ADI1: variants seen among roughly 807,000 people sequenced by gnomAD.
ADI1 encodes the protein acireductone dioxygenase.
A neutral mutation model predicts 18.7 loss-of-function variants in ADI1; 21 were observed. The ratio of observed to expected loss-of-function variants is 1.13; its 90% confidence interval spans 0.80 to 1.62. The LOEUF (loss-of-function observed/expected upper bound fraction) is 1.62. Among genes scored for constraint, ADI1 ranks in the 40% most tolerant of loss-of-function variants. ADI1 has a pLI of 0.00. For missense variants in ADI1, 245 were observed against 254.9 expected (o/e 0.96, Z 0.26); for synonymous variants, 90 against 100.1 (o/e 0.90, Z 0.60).
chr2:3,509,755 G>T (rs550011914), intron 2 of ADI1, among the ~76,000 whole-genome samples: 1 of 152,042 alleles, frequency 6.6e-6, no homozygotes, highest in African/African-American at 2.4e-5. Flanking sequence ...AACACTCTGC[G>T]AGGCCGAGGA....
intron 2 of ADI1, among the ~76,000 whole-genome samples, chr2:3,502,761 TA>T (rs1015980567): frequency 2.9e-4 from 44 of 152,090 alleles, no homozygotes; most frequent in African/African-American, 9.9e-4. Context: ...CAAACGGAAA[TA>T]ACTCTTGAAC....
chr2:3,507,270 A>G (rs1046865386), intron 2 of ADI1, among the ~76,000 whole-genome samples: 1 of 152,238 alleles, frequency 6.6e-6, no homozygotes, highest in Non-Finnish European at 1.5e-5. Flanking sequence ...AATATTTGAA[A>G]TACTGTCCAC....
chr2:3,500,208 C>G (rs1666962837), intron 3 of ADI1, among the ~76,000 whole-genome samples: 1 of 152,068 alleles, frequency 6.6e-6, no homozygotes. Flanking sequence ...AGAGGGAGAC[C>G]TTTCACCAGG....
Position 3,501,373 on chromosome 2 carries a change from A to G in ADI1, c.241-380T>C, listed in dbSNP as rs150531918. 2.6e-5 allele frequency among the ~76,000 whole-genome samples: 4 copies of G among 152,088 alleles called. No individual in the cohort carries two copies. In the East Asian group the frequency reaches 7.8e-4, roughly 30 times the overall value. ...GTCACTGGCCCAACCTCACACAACG[A>G]GACTGCCCCAAAGACACCCTGGCCC... On this transcript the variant is annotated intron_variant, in intron 2 of 3. Transcript: ENST00000327435.
chr2:3,503,719 G>C (rs1558426002), intron 2 of ADI1, among the ~76,000 whole-genome samples: 1 of 152,204 alleles, frequency 6.6e-6, no homozygotes, highest in Non-Finnish European at 1.5e-5. Context: ...GCCTGGACAC[G>C]CTGTAGGTCC....
chr2:3,514,871 A>G, intron 1 of ADI1: 1 of 1,546,480 alleles, frequency 6.5e-7, no homozygotes, highest in South Asian at 1.2e-5. Context: ...GGCTGGAGCC[A>G]TGGCAGAGGA....
In ADI1 at chr2:3,513,912, G is replaced by C; in HGVS notation, c.185C>G (p.Ser62Cys). 1 of 1,612,172 alleles carries C rather than the reference G, an allele frequency of 6.2e-7. No homozygotes were observed. Among genetic ancestry groups the C allele is most frequent in the Non-Finnish European group, 8.5e-7 (1 of 1,179,524 alleles). Residue 62 changes from serine (S) to cysteine (C), a missense_variant, in exon 2 of 4, where the codon TCC becomes TGC. By Grantham distance (112) the Ser-to-Cys change is moderately radical. Transcript: ENST00000327435. ...GCATATGGTTATGATGTCCATCCAG[G>C]AGTAGTTCCTCTCTCTTCGGATCTT... ...LEKIRRERNY[S>C]WMDIITICKD...
At chr2:3,514,485 A>G (rs1667358224) in intron 1 of ADI1, among the ~76,000 whole-genome samples, 1 of 152,190 alleles carries the variant, frequency 6.6e-6, no homozygotes, top group African/African-American at 2.4e-5. Flanking sequence ...TTCTACTTCT[A>G]TCTGTTCCCA....
rs564416842 is a variant in ADI1 at position 3,518,910 on chromosome 2, G to A, written c.120+458C>T. ...TGCGCGTGCGCAGCGAGTCCCGGCT[G>A]CGAGGCCCCTGACTCGCCAACTCTG... On this transcript the variant is annotated intron_variant, in intron 1 of 3. Coordinates refer to ENST00000327435, the MANE Select transcript of ADI1 (RefSeq NM_018269.4). Among the ~76,000 whole-genome samples, 27 of 152,316 alleles carry A rather than the reference G, an allele frequency of 1.8e-4. No homozygotes were observed. In the Middle Eastern group the frequency reaches 0.01, roughly 58 times the overall value.
At chr2:3,508,130 C>T (rs566993622) in intron 2 of ADI1, among the ~76,000 whole-genome samples, 223 of 151,896 alleles carry the variant, frequency 1.5e-3, no homozygotes, top group African/African-American at 5.3e-3. Context: ...GTCAGGAGAT[C>T]GAGACCATCC....
chr2:3,513,263 G>A (rs1667328047), intron 2 of ADI1, among the ~76,000 whole-genome samples: 1 of 152,194 alleles, frequency 6.6e-6, no homozygotes. Flanking sequence ...AGGAAGTTAA[G>A]ACTTTGGGGG....
intron 2 of ADI1, among the ~76,000 whole-genome samples, chr2:3,504,565 T>C (rs1275967727): frequency 1.3e-5 from 2 of 152,234 alleles, no homozygotes; most frequent in East Asian, 3.8e-4. Flanking sequence ...GGAAGAATCA[T>C]TTGACATAGA....
At chr2:3,505,589 T>C (rs767380738) in intron 2 of ADI1, among the ~76,000 whole-genome samples, 71 of 152,318 alleles carry the variant, frequency 4.7e-4, no homozygotes, top group South Asian at 2.5e-3. Context: ...TCTCTTCTTA[T>C]GAAGGCCTCA....
At chr2:3,500,499 G>T in intron 3 of ADI1, 2 of 491,062 alleles carry the variant, frequency 4.1e-6, no homozygotes, top group Non-Finnish European at 7.4e-6. Context: ...AAGGGCTGGG[G>T]CAGGGCCAGG....
intron 1 of ADI1, among the ~76,000 whole-genome samples, chr2:3,518,676 CG>C (rs1572241766): frequency 6.6e-6 from 1 of 152,032 alleles, no homozygotes; most frequent in East Asian, 1.9e-4. Context: ...GACCCCGCCT[CG>C]ATCTGCTGGC....
At chr2:3,506,565 G>C (rs188478616) in intron 2 of ADI1, among the ~76,000 whole-genome samples, 1 of 152,310 alleles carries the variant, frequency 6.6e-6, no homozygotes, top group East Asian at 1.9e-4. Context: ...CAAATGGAGA[G>C]AAATTCCAAG....
At chr2:3,508,907 A>C (rs2103208956) in intron 2 of ADI1, among the ~76,000 whole-genome samples, 1 of 148,184 alleles carries the variant, frequency 6.7e-6, no homozygotes, top group South Asian at 2.3e-4. Flanking sequence ...CTGTCAAAAA[A>C]GGAAGAAGGG....
At chr2:3,517,561 T>G (rs983349070) in intron 1 of ADI1, 3 of 152,086 alleles carry the variant, frequency 2.0e-5, no homozygotes, top group South Asian at 2.1e-4. Flanking sequence ...AGGTCAGCAG[T>G]TCAAGATCAG....
rs1238506997 is a variant in ADI1, at chr2:3,497,453, T to A, written c.*1510A>T. On this transcript the variant is annotated 3_prime_UTR_variant, in exon 4 of 4. Coordinates refer to ENST00000327435, the MANE Select transcript of ADI1 (RefSeq NM_018269.4). Reference sequence around the variant, plus strand: ...ACATCCTGGGAAAAGAAAATGTGATTTCACCTTAAGTGCTTTAGCAGAATT... The same window carrying A: ...ACATCCTGGGAAAAGAAAATGTGATATCACCTTAAGTGCTTTAGCAGAATT... 6.6e-6 allele frequency: 1 copy of A among 152,212 alleles called. No homozygotes were observed. Among genetic ancestry groups the A allele is most frequent in the Non-Finnish European group, 1.5e-5 (1 of 68,028 alleles). The allele number at this position is 152,212 out of a possible 1,614,324, so 9.4% of individuals were successfully genotyped here.
Sources: allele counts gnomAD v4.1 joint callset (sites outside exome capture counted in the v4.1 genomes callset), GRCh38; gene constraint gnomAD v4.1.1; transcripts MANE v1.5; gene names NCBI Gene and HGNC (gene_info 2026-07-23, HGNC 2026-07-21).